Variants in BMPR1A observed in about 807,000 individuals in gnomAD.
BMPR1A encodes bone morphogenetic protein receptor type-1A.
Under a neutral mutation model 66.0 loss-of-function variants are expected in BMPR1A, and 7 were observed. The observed-to-expected ratio is 0.11, with a 90% CI of 0.06 to 0.20. The LOEUF (loss-of-function observed/expected upper bound fraction) is 0.20, where lower values mean the gene tolerates loss of function less well. Ranked by LOEUF, BMPR1A falls within the 10% of genes least tolerant of loss-of-function variation. BMPR1A has a pLI of 1.00. For synonymous variants in BMPR1A, 200 were observed against 229.7 expected, an observed-to-expected ratio of 0.87 and a Z score of 1.17; for missense variants, 408 against 669.1, an observed-to-expected ratio of 0.61 and a Z score of 4.31.
At chr10:86,899,176 A>G (rs551261213) in intron 5 of BMPR1A, among the ~76,000 whole-genome samples, 3 of 152,382 alleles carry the variant, frequency 2.0e-5, no homozygotes, top group East Asian at 3.9e-4. Context: ...TGTTAATCCA[A>G]TAAAACATCA....
chr10:86,900,623 C>G (rs1459878094), intron 7 of BMPR1A, among the ~76,000 whole-genome samples: 1 of 151,434 alleles, frequency 6.6e-6, no homozygotes, highest in African/African-American at 2.5e-5. Flanking sequence ...CATAAATAAA[C>G]AAACCCAAGT....
At chr10:86,773,131 T>C (rs921756085) in intron 1 of BMPR1A, among the ~76,000 whole-genome samples, 3 of 151,110 alleles carry the variant, frequency 2.0e-5, no homozygotes, top group Admixed American at 6.6e-5. Flanking sequence ...TAGTTATCTT[T>C]TTTTTTTTTT....
chr10:86,767,954 C>G (rs984198662), intron 1 of BMPR1A, among the ~76,000 whole-genome samples: 1 of 152,210 alleles, frequency 6.6e-6, no homozygotes, highest in Non-Finnish European at 1.5e-5. Context: ...CTACATGTTA[C>G]TTGTTTTCCT....
intron 3 of BMPR1A, among the ~76,000 whole-genome samples, chr10:86,878,670 G>A (rs928599890): frequency 3.9e-5 from 6 of 152,140 alleles, no homozygotes; most frequent in South Asian, 2.1e-4. Flanking sequence ...CAGGTAAAAC[G>A]GGGAAAGGGT....
At chr10:86,884,502 C>T (rs574200142) in intron 3 of BMPR1A, among the ~76,000 whole-genome samples, 5 of 145,688 alleles carry the variant, frequency 3.4e-5, no homozygotes, top group Admixed American at 7.0e-5. Flanking sequence ...CATCCTCCAC[C>T]TCCCTGGTTC....
intron 1 of BMPR1A, among the ~76,000 whole-genome samples, chr10:86,775,910 C>T (rs1841340929): frequency 2.0e-5 from 3 of 152,240 alleles, no homozygotes; most frequent in African/African-American, 4.8e-5. Flanking sequence ...CTAACATTTT[C>T]TCTATCTCCC....
chr10:86,860,556 G>C (rs1842699752), intron 2 of BMPR1A, among the ~76,000 whole-genome samples: 1 of 152,086 alleles, frequency 6.6e-6, no homozygotes, highest in Non-Finnish European at 1.5e-5. Flanking sequence ...GATCACCCGA[G>C]ATCAAGAGTT....
chr10:86,905,247 A>G (rs1843369270), intron 7 of BMPR1A, among the ~76,000 whole-genome samples: 1 of 152,094 alleles, frequency 6.6e-6, no homozygotes, highest in South Asian at 2.1e-4. Flanking sequence ...GCCTCCCTCC[A>G]CTGTGGACGA....
chr10:86,786,501 T>C (rs770881853), intron 1 of BMPR1A, among the ~76,000 whole-genome samples: 5 of 152,232 alleles, frequency 3.3e-5, no homozygotes, highest in Non-Finnish European at 7.3e-5. Flanking sequence ...TGATTACTTA[T>C]TTCCTGCTCG....
intron 1 of BMPR1A, among the ~76,000 whole-genome samples, chr10:86,765,891 T>A (rs1316658582): frequency 6.6e-6 from 1 of 152,088 alleles, no homozygotes; most frequent in Non-Finnish European, 1.5e-5. Context: ...CCCCATTTCC[T>A]AAAATGGGGT....
chr10:86,807,770 G>A (rs1480156971), intron 1 of BMPR1A, among the ~76,000 whole-genome samples: 1 of 151,250 alleles, frequency 6.6e-6, no homozygotes, highest in South Asian at 2.1e-4. Flanking sequence ...TATAGTTGTG[G>A]TTTTTTTTCC....
Position 86,912,342 on chromosome 10 carries a change from CCAGTCA to C in BMPR1A, c.636_641del (p.Gln214_Ser215del). ...GAGAATCACTAAAAGACCTTATTGA[CCAGTCA>C]CAAAGTTCTGGTAGTGGGTCTGGAC... On this transcript the variant is annotated inframe_deletion, in exon 8 of 13. Coordinates refer to ENST00000372037, the MANE Select transcript of BMPR1A (RefSeq NM_004329.3). 1 of 1,613,908 alleles carries C rather than the reference CCAGTCA, an allele frequency of 6.2e-7. No homozygotes were observed. The highest frequency in any genetic ancestry group is 1.1e-5 in the South Asian group (1 of 91,080).
chr10:86,850,475 C>G (rs1257831615), intron 2 of BMPR1A, among the ~76,000 whole-genome samples: 3 of 152,112 alleles, frequency 2.0e-5, no homozygotes, highest in African/African-American at 7.2e-5. Flanking sequence ...TTAGAAGATT[C>G]TAATTCAGCA....
At chr10:86,797,825 A>C (rs1841745973) in intron 1 of BMPR1A, among the ~76,000 whole-genome samples, 1 of 152,134 alleles carries the variant, frequency 6.6e-6, no homozygotes, top group Non-Finnish European at 1.5e-5. Context: ...CTGTTAATGC[A>C]TGAGACCCGG....
chr10:86,770,039 C>T (rs914335734), intron 1 of BMPR1A, among the ~76,000 whole-genome samples: 5 of 152,020 alleles, frequency 3.3e-5, no homozygotes, highest in African/African-American at 9.6e-5. Flanking sequence ...GACCTATAAT[C>T]GCAGTACTTT....
intron 1 of BMPR1A, among the ~76,000 whole-genome samples, chr10:86,795,268 T>A (rs977341182): frequency 6.6e-6 from 1 of 152,132 alleles, no homozygotes; most frequent in African/African-American, 2.4e-5. Flanking sequence ...TAAGACTGAT[T>A]TTTCTTAAAT....
chr10:86,781,150 G>A (rs887396958), intron 1 of BMPR1A, among the ~76,000 whole-genome samples: 7 of 152,118 alleles, frequency 4.6e-5, no homozygotes, highest in Non-Finnish European at 1.0e-4. Flanking sequence ...CACCATGCCC[G>A]GCTCTCATTT....
chr10:86,791,680 ACTTC>A (rs759218188), intron 1 of BMPR1A, among the ~76,000 whole-genome samples: 22 of 103,808 alleles, frequency 2.1e-4, no homozygotes, highest in Non-Finnish European at 1.8e-4. Context: ...TTCCTTCTTT[ACTTC>A]CTTCCTCCCT....
chr10:86,927,394 T>G lies in BMPR1A; in HGVS notation c.*3675T>G, dbSNP rs1342973941. The G allele has an allele frequency of 5.1e-6, 1 of 195,252 alleles. No individual in the cohort carries two copies. The highest frequency in any genetic ancestry group is 1.1e-5 in the Non-Finnish European group (1 of 93,944). 12.1% of individuals were successfully genotyped at this position (195,252 alleles called of 1,614,324 possible). The stretch of plus-strand genomic sequence containing the variant: ...CTTGTAGTGTTTAAAAGTGGTCATA[T>G]TTATTACTGACTTTGAGTCAGGTGT... On this transcript the variant is annotated 3_prime_UTR_variant, in exon 13 of 13. Coordinates refer to ENST00000372037, the MANE Select transcript of BMPR1A (RefSeq NM_004329.3).
Sources: gnomAD v4.1 joint callset for allele counts (sites outside exome capture counted in the v4.1 genomes callset) on GRCh38, gnomAD v4.1.1 for gene constraint, MANE v1.5 for transcripts, NCBI Gene and HGNC (gene_info 2026-07-23, HGNC 2026-07-21) for gene names.